Variants in RORA observed in about 807,000 individuals in gnomAD.
RORA encodes nuclear receptor ROR-alpha.
A neutral mutation model predicts 69.5 loss-of-function variants in RORA; 7 were observed. The observed-to-expected ratio is 0.10, with a 90% CI of 0.06 to 0.19. The LOEUF (loss-of-function observed/expected upper bound fraction) is 0.19, where lower values mean the gene tolerates loss of function less well. RORA is among the 10% of genes least tolerant of loss of function. RORA has a pLI of 1.00. For missense variants in RORA, 457 were observed against 663.0 expected, an observed-to-expected ratio of 0.69 and a Z score of 3.41; for synonymous variants, 261 against 240.8, an observed-to-expected ratio of 1.08 and a Z score of -0.78.
intron 1 of RORA, among the ~76,000 whole-genome samples, chr15:60,835,147 A>C (rs1448015266): frequency 6.6e-6 from 1 of 152,192 alleles, no homozygotes; most frequent in East Asian, 1.9e-4. Context: ...CAGTCACTTC[A>C]GAATAACATA....
chr15:60,586,080 C>T (rs1409102310), intron 2 of RORA, among the ~76,000 whole-genome samples: 1 of 152,134 alleles, frequency 6.6e-6, no homozygotes, highest in Non-Finnish European at 1.5e-5. Flanking sequence ...TTCCTGGATA[C>T]TTAATAATCA....
At chr15:60,648,710 C>T (rs1023646627) in intron 2 of RORA, among the ~76,000 whole-genome samples, 13 of 152,152 alleles carry the variant, frequency 8.5e-5, no homozygotes, top group African/African-American at 3.1e-4. Flanking sequence ...CGGAGGGGGT[C>T]TCAGTTTCTA....
intron 1 of RORA, among the ~76,000 whole-genome samples, chr15:60,775,066 A>T (rs1413299487): frequency 6.6e-6 from 1 of 152,194 alleles, no homozygotes; most frequent in Non-Finnish European, 1.5e-5. Context: ...CTTACCTATG[A>T]TTCATGTGGC....
intron 1 of RORA, among the ~76,000 whole-genome samples, chr15:60,831,316 T>A (rs1274593229): frequency 6.6e-6 from 1 of 152,108 alleles, no homozygotes; most frequent in Non-Finnish European, 1.5e-5. Context: ...GATGGGATGG[T>A]ATGCCTCGCA....
At chr15:60,702,410 T>G (rs969435860) in intron 1 of RORA, among the ~76,000 whole-genome samples, 1 of 152,062 alleles carries the variant, frequency 6.6e-6, no homozygotes, top group Non-Finnish European at 1.5e-5. Context: ...TTTTGTATTT[T>G]CAGTAGAGAT....
intron 2 of RORA, among the ~76,000 whole-genome samples, chr15:60,645,040 T>C (rs1325573160): frequency 6.6e-6 from 1 of 152,196 alleles, no homozygotes; most frequent in Non-Finnish European, 1.5e-5. Flanking sequence ...CCAGGAAGTA[T>C]GCCATGTGCT....
At chr15:60,766,907 C>T (rs1203602369) in intron 1 of RORA, among the ~76,000 whole-genome samples, 9 of 152,094 alleles carry the variant, frequency 5.9e-5, no homozygotes, top group East Asian at 1.9e-4. Context: ...AGCCCTGATA[C>T]GAATCATTAA....
At chr15:60,742,395 T>C (rs376104520) in intron 1 of RORA, among the ~76,000 whole-genome samples, 2 of 152,264 alleles carry the variant, frequency 1.3e-5, no homozygotes, top group Admixed American at 6.5e-5. Context: ...TATGTGTCTA[T>C]GGTGTACAAC....
At chr15:60,709,365 A>G (rs1385497178) in intron 1 of RORA, among the ~76,000 whole-genome samples, 1 of 152,180 alleles carries the variant, frequency 6.6e-6, no homozygotes, top group Admixed American at 6.5e-5. Flanking sequence ...AAGATGCAAA[A>G]TCTGATATCT....
chr15:60,661,079 T>C (rs1162213052), intron 2 of RORA, among the ~76,000 whole-genome samples: 1 of 70,654 alleles, frequency 1.4e-5, no homozygotes. Flanking sequence ...AATAGAGGAG[T>C]TATTTTTTTT....
At chr15:60,670,843 T>TAAAAAATTTA (rs1194608269) in intron 2 of RORA, among the ~76,000 whole-genome samples, 2 of 152,066 alleles carry the variant, frequency 1.3e-5, no homozygotes, top group Non-Finnish European at 2.9e-5. Context: ...GAAATCAGTG[T>TAAAAAATTTA]AAAAAATTTA....
chr15:60,699,008 T>C (rs546185756), intron 1 of RORA, among the ~76,000 whole-genome samples: 1 of 152,254 alleles, frequency 6.6e-6, no homozygotes, highest in Non-Finnish European at 1.5e-5. Context: ...AAGACTTCTG[T>C]ATAGTTAATC....
intron 1 of RORA, among the ~76,000 whole-genome samples, chr15:61,069,138 C>T (rs2078305551): frequency 6.6e-6 from 1 of 152,130 alleles, no homozygotes; most frequent in Non-Finnish European, 1.5e-5. Context: ...AATGGTACAC[C>T]TCTGATAATT....
At chr15:60,945,524 T>C (rs1892844780) in intron 1 of RORA, among the ~76,000 whole-genome samples, 1 of 152,188 alleles carries the variant, frequency 6.6e-6, no homozygotes, top group Non-Finnish European at 1.5e-5. Context: ...CAGTGCTTGT[T>C]AGAAAAAATA....
chr15:60,852,059 TC>T (rs1285744042), intron 1 of RORA, among the ~76,000 whole-genome samples: 1 of 152,112 alleles, frequency 6.6e-6, no homozygotes, highest in Non-Finnish European at 1.5e-5. Flanking sequence ...AATTTCACAA[TC>T]CCTGACAGGC....
rs545942082 is a variant in RORA at position 60,586,128 on chromosome 15, A to G, written c.197-54277T>C. On this transcript the variant is annotated intron_variant, in intron 2 of 10. Transcript: ENST00000335670. The stretch of plus-strand genomic sequence containing the variant: ...ACTAAAAGTATTCCTAAACAGTTCA[A>G]AAGTCCACTTTCACAAACAATGATA... Among the ~76,000 whole-genome samples the G allele has an allele frequency of 3.3e-5, 5 of 152,286 alleles. No homozygotes were observed. The East Asian group carries it at 9.6e-4, about 29-fold the overall frequency.
intron 1 of RORA, among the ~76,000 whole-genome samples, chr15:60,999,458 C>A (rs529657761): frequency 6.6e-6 from 1 of 152,272 alleles, no homozygotes; most frequent in African/African-American, 2.4e-5. Context: ...GTTAGCTTAC[C>A]TTTGAGGCCA....
chr15:61,000,985 A>T (rs1894726859), intron 1 of RORA, among the ~76,000 whole-genome samples: 1 of 152,188 alleles, frequency 6.6e-6, no homozygotes, highest in Non-Finnish European at 1.5e-5. Context: ...TTTTAATTAA[A>T]AATAAATGGA....
intron 1 of RORA, among the ~76,000 whole-genome samples, chr15:61,016,766 G>A (rs552763115): frequency 6.6e-6 from 1 of 152,258 alleles, no homozygotes; most frequent in African/African-American, 2.4e-5. Context: ...GCAATTAGAA[G>A]TGTGAAAATG....
Sources: gnomAD v4.1 joint callset for allele counts (sites outside exome capture counted in the v4.1 genomes callset) on GRCh38, gnomAD v4.1.1 for gene constraint, MANE v1.5 for transcripts, NCBI Gene and HGNC (gene_info 2026-07-23, HGNC 2026-07-21) for gene names.